Variants in THBS2 observed in about 807,000 individuals in gnomAD.
THBS2 encodes thrombospondin 2.
THBS2 carries 47 observed loss-of-function variants against 135.2 expected under a neutral mutation model. The ratio of observed to expected loss-of-function variants is 0.35; its 90% CI spans 0.28 to 0.44. The LOEUF is 0.44. Among genes scored for constraint, THBS2 ranks in the 20% least tolerant of loss-of-function variants. The probability of loss-of-function intolerance (pLI) is 1.00; values close to 1 mark genes in which losing one functional copy is unlikely to be tolerated. For missense variants in THBS2, 1,288 were observed against 1,603.1 expected (o/e 0.80, Z 3.36); for synonymous variants, 639 against 633.8 (o/e 1.01, Z -0.12).
Position 169,222,389 on chromosome 6 carries a change from G to A in THBS2, c.3081C>T (p.Phe1027=), listed in dbSNP as rs142500755. ...NTDRDDDYAG[F]VFGYQSSSRF... ...GGCTGCTTGACTGGTAACCAAAGAC[G>A]AAGCCGGCATAGTCGTCGTCCCGGT... Residue 1027 remains phenylalanine, a synonymous_variant, in exon 19 of 22, where the codon TTC becomes TTT. Coordinates refer to ENST00000617924, the MANE Select transcript of THBS2 (RefSeq NM_003247.5). The A allele has an allele frequency of 1.7e-4, 267 of 1,613,594 alleles. 1 individual carries two copies. Among genetic ancestry groups the A allele is most frequent in the Non-Finnish European group, 2.1e-4 (252 of 1,180,046 alleles).
chr6:169,228,369 T>C (rs575144202), intron 14 of THBS2, 88 bp from the exon 15 acceptor site: 22 of 1,465,332 alleles, frequency 1.5e-5, no homozygotes, highest in Admixed American at 2.1e-5. Flanking sequence ...GTACTCAAGG[T>C]TGATGAAAAT....
At chr6:169,225,403 A>G (rs1239421999) in intron 16 of THBS2, 24 bp from the exon 17 acceptor site, 4 of 1,547,946 alleles carry the variant, frequency 2.6e-6, no homozygotes, top group African/African-American at 2.7e-5. Flanking sequence ...CGTGAGAGAA[A>G]CAGCAGAGGA....
rs970797337 is a variant in THBS2 at position 169,252,445 on chromosome 6, G to C, written c.-23+1279C>G. On this transcript the variant is annotated intron_variant, in intron 1 of 21. Coordinates refer to ENST00000617924, the MANE Select transcript of THBS2 (RefSeq NM_003247.5). The surrounding 1 kb of genome is among the most constrained non-coding windows in gnomAD (Gnocchi z 4.3). ...AGCTGTGTGGGGCTGGCCCTGCAGA[G>C]GCCAGCCAAGAACAGGATGGTAAAT... Among the ~76,000 whole-genome samples the C allele has an allele frequency of 1.3e-5, 2 of 152,202 alleles. No individual in the cohort carries two copies. Among genetic ancestry groups the C allele is most frequent in the African/African-American group, 4.8e-5 (2 of 41,458 alleles).
chr6:169,242,840 C>A (rs1001172327), intron 4 of THBS2, among the ~76,000 whole-genome samples: 476 of 51,558 alleles, frequency 9.2e-3, no homozygotes, highest in East Asian at 0.02. Context: ...ACCTTCCCAC[C>A]TTCCCACTGC....
intron 6 of THBS2, 29 bp downstream of exon 6, chr6:169,240,422 TC>T: frequency 6.2e-7 from 1 of 1,608,442 alleles, no homozygotes; most frequent in Non-Finnish European, 8.5e-7. Context: ...GGTGGCCTCT[TC>T]CCCCAAGAGC....
rs899684852 is a variant in THBS2, at chr6:169,241,277, C to T, written c.891+485G>A. On this transcript the variant is annotated intron_variant, in intron 5 of 21. Coordinates refer to ENST00000617924, the MANE Select transcript of THBS2 (RefSeq NM_003247.5). The surrounding 1 kb of genome is among the most constrained non-coding windows in gnomAD (Gnocchi z 5.5). ...CTGAGCCCCGCAGGCATCGCTCTCT[C>T]TTCCTGGCCGCGCTGTGCCGCTCAA... Among the ~76,000 whole-genome samples the T allele has an allele frequency of 1.3e-5, 2 of 152,196 alleles. No individual in the cohort carries two copies. Among genetic ancestry groups the T allele is most frequent in the African/African-American group, 2.4e-5 (1 of 41,446 alleles).
chr6:169,223,577 C>A (rs559413982), intron 17 of THBS2, 102 bp from the exon 18 acceptor site: 2 of 906,450 alleles, frequency 2.2e-6, no homozygotes, highest in South Asian at 3.1e-5. Flanking sequence ...AACATGAGTG[C>A]ATCTTTCCCA....
rs1780792953 is a variant in THBS2 at position 169,252,618 on chromosome 6, T to C, written c.-23+1106A>G. 6.6e-6 allele frequency among the ~76,000 whole-genome samples: 1 copy of C among 152,124 alleles called. No homozygotes were observed. Among genetic ancestry groups the C allele is most frequent in the South Asian group, 2.1e-4 (1 of 4,826 alleles). On this transcript the variant is annotated intron_variant, in intron 1 of 21. Coordinates refer to ENST00000617924, the MANE Select transcript of THBS2 (RefSeq NM_003247.5). The surrounding 1 kb of genome is among the most constrained non-coding windows in gnomAD (Gnocchi z 4.3). Reference sequence around the variant, plus strand: ...ACAAAGCATCCCCTGCTGCGGATTGTCAAAGGACAGTGAGGCTCCATCCCA... The same window carrying C: ...ACAAAGCATCCCCTGCTGCGGATTGCCAAAGGACAGTGAGGCTCCATCCCA...
Position 169,241,942 on chromosome 6 carries a change from G to A in THBS2, c.711C>T (p.Ile237=). 3 of 1,610,180 alleles carry A rather than the reference G, an allele frequency of 1.9e-6. No individual in the cohort carries two copies. The highest frequency in any genetic ancestry group is 2.5e-6 in the Non-Finnish European group (3 of 1,178,994). Residue 237 remains isoleucine, a synonymous_variant, in exon 5 of 22, where the codon ATC becomes ATT. Transcript: ENST00000617924. This position sits in a 1 kb window ranked among gnomAD's most constrained non-coding sequence, Gnocchi z 5.5. ...QQGQGAEINA[I]SENTETLRLG... ...GGCGCAGCGTCTCTGTGTTCTCACTGATGGCGTTGATCTCAGCTGAGGGCA... is the reference window on the plus strand; with the variant it reads ...GGCGCAGCGTCTCTGTGTTCTCACTAATGGCGTTGATCTCAGCTGAGGGCA...
At position 169,248,613 on chromosome 6, in the gene THBS2, G is replaced by A. The variant is rs1780644073; in HGVS notation, c.413C>T (p.Ser138Phe). ...GTCAGCCAGGCCGACGTCCTCCAGGGAGACCACATGCCGGGTGCCGTCAAT... is the reference window on the plus strand; with the variant it reads ...GTCAGCCAGGCCGACGTCCTCCAGGAAGACCACATGCCGGGTGCCGTCAAT... ...YWIDGTRHVVSLEDVGLADSQ... is the reference protein window; with the variant it reads ...YWIDGTRHVVFLEDVGLADSQ... The change falls in exon 3 of 22, where the codon TCC becomes TTC. Residue 138 changes from serine (S) to phenylalanine (F), a missense_variant. Transcript: ENST00000617924. 10 of 1,614,060 alleles carry A rather than the reference G, an allele frequency of 6.2e-6. No homozygotes were observed. Among genetic ancestry groups the A allele is most frequent in the Non-Finnish European group, 8.5e-6 (10 of 1,180,028 alleles).
intron 13 of THBS2, 66 bp downstream of exon 13, chr6:169,231,914 G>A (rs1254653845): frequency 1.3e-5 from 21 of 1,569,890 alleles, no homozygotes; most frequent in East Asian, 2.3e-5. Context: ...TCCGCGTAGC[G>A]TCCCCGGCGC....
intron 21 of THBS2, among the ~76,000 whole-genome samples, chr6:169,218,136 A>AGATG (rs759427329): frequency 1.6e-5 from 2 of 126,958 alleles, no homozygotes; most frequent in African/African-American, 3.1e-5. Context: ...TGGGTGGATG[A>AGATG]GATGGATGGA....
At chr6:169,237,126 C>A in intron 9 of THBS2, 44 bp downstream of exon 9, 1 of 1,563,460 alleles carries the variant, frequency 6.4e-7, no homozygotes, top group Non-Finnish European at 8.6e-7. Context: ...CTGTGAGCTG[C>A]CTGCAAGCCC....
intron 9 of THBS2, among the ~76,000 whole-genome samples, chr6:169,236,281 T>G (rs1212243547): frequency 4.4e-5 from 4 of 91,738 alleles, no homozygotes; most frequent in Non-Finnish European, 8.3e-5. Context: ...TCACTCCCCA[T>G]CCACACTCAT....
At chr6:169,228,906 CAAAAA>C (rs535971273) in intron 14 of THBS2, among the ~76,000 whole-genome samples, 2 of 112,892 alleles carry the variant, frequency 1.8e-5, no homozygotes, top group Non-Finnish European at 1.8e-5. Context: ...CCTGAGCGAC[CAAAAA>C]AAAAAAAAAA....
Position 169,221,485 on chromosome 6 carries a change from C to A in THBS2, c.3316G>T (p.Asp1106Tyr), listed in dbSNP as rs1779427886. The A allele has an allele frequency of 6.2e-7, 1 of 1,613,998 alleles. No individual in the cohort carries two copies. Among genetic ancestry groups the A allele is most frequent in the South Asian group, 1.1e-5 (1 of 91,084 alleles). The change falls in exon 20 of 22, where the codon GAC (aspartate) becomes TAC (tyrosine). Residue 1106 changes from aspartate to tyrosine, a missense_variant. Physicochemically the swap from Asp to Tyr is radical, Grantham distance 160. This residue lies in a region of THBS2 where 874 missense variants were observed against 1,156.1 expected (regional missense o/e 0.76). Transcript: ENST00000617924. ...WHDPRNIGWKDYTAYRWHLTH... is the reference protein window; with the variant it reads ...WHDPRNIGWKYYTAYRWHLTH... ...AGGTGCCACCTATAGGCCGTGTAGT[C>A]CTTCCAGCCAATGTTCCTGGGGTCG...
chr6:169,244,313 A>AACACAC (rs35075375), intron 4 of THBS2, among the ~76,000 whole-genome samples: 18,246 of 147,172 alleles, frequency 0.12, 1,188 homozygotes, highest in Admixed American at 0.19. Context: ...GTATGCTGGT[A>AACACAC]ACACACACAC....
rs1779192369 is a variant in THBS2 at position 169,216,947 on chromosome 6, C to A, written c.*875G>T. On this transcript the variant is annotated 3_prime_UTR_variant, in exon 22 of 22. Coordinates refer to ENST00000617924, the MANE Select transcript of THBS2 (RefSeq NM_003247.5). ...GATGCGCCTTTTCCGGCCTGTGCGT[C>A]TGCTCTGGTTCCTCTCAGGCAGCAA... 6.6e-6 allele frequency: 1 copy of A among 152,254 alleles called. No individual in the cohort carries two copies. Among genetic ancestry groups the A allele is most frequent in the Non-Finnish European group, 1.5e-5 (1 of 68,052 alleles). 9.4% of individuals were successfully genotyped at this position (152,254 alleles called of 1,614,324 possible). A position where few individuals can be genotyped will look rare whatever the true frequency, so the allele number is the denominator to read the frequency against.
At chr6:169,253,325 G>A (rs1028832438) in intron 1 of THBS2, among the ~76,000 whole-genome samples, 1 of 151,988 alleles carries the variant, frequency 6.6e-6, no homozygotes, top group African/African-American at 2.4e-5. Flanking sequence ...CAGATATTCC[G>A]GGAGTTGTTT....
Sources: gnomAD v4.1 joint callset for allele counts (sites outside exome capture counted in the v4.1 genomes callset) on GRCh38, gnomAD v4.1.1 for gene constraint, gnomAD v4.1.1 regional missense constraint, Gnocchi (gnomAD v3.1) non-coding constraint, MANE v1.5 for transcripts, NCBI Gene and HGNC (gene_info 2026-07-23, HGNC 2026-07-21) for gene names.